The following TNS3 variants were observed in gnomAD, a reference collection of about 807,000 sequenced individuals.
TNS3 encodes the protein tensin-3.
Under a neutral mutation model 140.9 loss-of-function variants are expected in TNS3, and 45 were observed. The ratio of observed to expected loss-of-function variants is 0.32; its 90% CI spans 0.25 to 0.41. The LOEUF (loss-of-function observed/expected upper bound fraction) is 0.41. TNS3 is among the 10% of genes least tolerant of loss of function. The probability of loss-of-function intolerance (pLI) is 1.00; values close to 1 mark genes in which losing one functional copy is unlikely to be tolerated. For synonymous variants in TNS3, 815 were observed against 788.4 expected, an observed-to-expected ratio of 1.03 and a Z score of -0.56; for missense variants, 1,716 against 1,906.7, an observed-to-expected ratio of 0.90 and a Z score of 1.86.
At chr7:47,560,571 CAG>C (rs1334371821) in intron 1 of TNS3, among the ~76,000 whole-genome samples, 1 of 152,206 alleles carries the variant, frequency 6.6e-6, no homozygotes, top group Non-Finnish European at 1.5e-5. Flanking sequence ...CTGCTGCTGT[CAG>C]GGGCAACCAG....
chr7:47,428,170 G>T, intron 9 of TNS3, 142 bp downstream of exon 9: 1 of 493,254 alleles, frequency 2.0e-6, no homozygotes, highest in Non-Finnish European at 3.3e-6. Context: ...TCTAGGCACT[G>T]ACCAACCCAG....
intron 16 of TNS3, among the ~76,000 whole-genome samples, chr7:47,377,028 A>G (rs1791432803): frequency 6.6e-6 from 1 of 152,150 alleles, no homozygotes; most frequent in African/African-American, 2.4e-5. Context: ...TGGATATGCC[A>G]GAGGTCCTGC....
intron 27 of TNS3, among the ~76,000 whole-genome samples, chr7:47,285,604 A>AGTCTCAGATAT (rs1785375178): frequency 1.3e-5 from 2 of 152,338 alleles, no homozygotes; most frequent in Admixed American, 1.3e-4. Context: ...TAAATTACCC[A>AGTCTCAGATAT]GTCTCAGATA....
intron 20 of TNS3, 26 bp from the exon 21 acceptor site, chr7:47,305,029 G>A (rs1786664890): frequency 2.3e-6 from 3 of 1,328,744 alleles, no homozygotes; most frequent in Non-Finnish European, 2.9e-6. Flanking sequence ...AGGAAGCAGA[G>A]AGACCTCGGT....
chr7:47,441,954 T>A, intron 5 of TNS3, 49 bp downstream of exon 5: 1 of 1,252,646 alleles, frequency 8.0e-7, no homozygotes, highest in Non-Finnish European at 1.0e-6. Context: ...TGTAGAGAGC[T>A]GACCTACAGC....
chr7:47,304,856 T>C lies in TNS3; in HGVS notation c.2798A>G (p.Asn933Ser), dbSNP rs780438952. The change falls in exon 21 of 31, where the codon AAC becomes AGC. Residue 933 changes from asparagine (N) to serine (S), a missense_variant. This residue lies in a region of TNS3 where 1,163 missense variants were observed against 1,182.1 expected (regional missense o/e 0.98). Transcript: ENST00000311160. ...CCTCTCTCTCCTCTGCCCAGGGCCG[T>C]TGCTGGAAATGGTGCAGGAAGAAGC... ...AFASSCTISS[N>S]GPGQRRESSS... 7.2e-7 allele frequency: 1 copy of C among 1,388,982 alleles called. No homozygotes were observed. The highest frequency in any genetic ancestry group is 9.4e-7 in the Non-Finnish European group (1 of 1,060,300). 86.0% of individuals were successfully genotyped at this position (1,388,982 alleles called of 1,614,324 possible).
intron 4 of TNS3, among the ~76,000 whole-genome samples, chr7:47,465,105 T>C (rs898420909): frequency 6.6e-6 from 1 of 152,228 alleles, no homozygotes; most frequent in African/African-American, 2.4e-5. Context: ...GAAACAACCC[T>C]TTATTCAGAA....
At position 47,439,569 on chromosome 7, in the gene TNS3, G is replaced by C; in HGVS notation, c.68C>G (p.Ala23Gly). The change falls in exon 6 of 31, where the codon GCC (alanine) becomes GGC (glycine). Residue 23 changes from alanine (A) to glycine (G), a missense_variant. Physicochemically the swap from Ala to Gly is moderately conservative, Grantham distance 60. This residue lies in a region of TNS3 where 337 missense variants were observed against 428.9 expected (regional missense o/e 0.79). Coordinates refer to ENST00000311160, the MANE Select transcript of TNS3 (RefSeq NM_022748.12). ...TERIIAVSFP[A>G]GCSEESYLHN... ...CAGGTAGGACTCCTCAGAGCAGCCG[G>C]CAGGGAAGGACACAGCGATGATGCG... is the stretch of plus-strand genomic sequence containing the variant. 6.2e-7 allele frequency: 1 copy of C among 1,614,080 alleles called. No individual in the cohort carries two copies. The highest frequency in any genetic ancestry group is 2.2e-5 in the East Asian group (1 of 44,874).
intron 2 of TNS3, among the ~76,000 whole-genome samples, chr7:47,510,394 G>T (rs1003998894): frequency 3.9e-5 from 6 of 152,216 alleles, no homozygotes; most frequent in African/African-American, 1.4e-4. Flanking sequence ...AATAGCAGTT[G>T]TGTGAGCTGG....
At chr7:47,333,330 T>C (rs1232389075) in intron 20 of TNS3, among the ~76,000 whole-genome samples, 1 of 152,214 alleles carries the variant, frequency 6.6e-6, no homozygotes, top group Non-Finnish European at 1.5e-5. Flanking sequence ...CACACCAGTT[T>C]TTTGGGGTCA....
chr7:47,545,679 AC>A (rs1315982557), intron 1 of TNS3, among the ~76,000 whole-genome samples: 1 of 151,580 alleles, frequency 6.6e-6, no homozygotes, highest in Non-Finnish European at 1.5e-5. Flanking sequence ...TCTCTAATCG[AC>A]CCCCGTCCTT....
chr7:47,430,540 T>G (rs1794879280), intron 8 of TNS3, among the ~76,000 whole-genome samples: 1 of 152,078 alleles, frequency 6.6e-6, no homozygotes, highest in African/African-American at 2.4e-5. Context: ...AGAAAACCAG[T>G]AAGAAAACAG....
rs140241425 is a variant in TNS3 at position 47,344,802 on chromosome 7, G to A, written c.2603C>T (p.Pro868Leu). Residue 868 changes from proline (P) to leucine (L), a missense_variant, in exon 20 of 31, where the codon CCT becomes CTT. Coordinates refer to ENST00000311160, the MANE Select transcript of TNS3 (RefSeq NM_022748.12). ...GGCTGGGCTGCTCAGCGGGGGCTCA[G>A]GTGGGCTGAACGGAGGATGGCGCAG... The part of the protein sequence containing the change: ...TALRHPPFSP[P>L]EPPLSSPASQ... The A allele has an allele frequency of 7.8e-4, 1,266 of 1,613,514 alleles. 5 individuals carry two copies. In the African/African-American group the frequency reaches 0.014, roughly 18 times the overall value.
chr7:47,514,065 G>A (rs1327402339), intron 2 of TNS3, among the ~76,000 whole-genome samples: 7 of 152,210 alleles, frequency 4.6e-5, no homozygotes, highest in Non-Finnish European at 8.8e-5. Context: ...TACAACACTC[G>A]AAACATATTG....
At position 47,430,871 on chromosome 7, in the gene TNS3, C is replaced by T. The variant is rs183521967; in HGVS notation, c.325-2495G>A. The stretch of plus-strand genomic sequence containing the variant: ...GAGTAGCTGGGAATACAGGTGCATG[C>T]CACCACACCCAGCTAATTTTTTTGT... On this transcript the variant is annotated intron_variant, in intron 8 of 30. Coordinates refer to ENST00000311160, the MANE Select transcript of TNS3 (RefSeq NM_022748.12). 4.4e-3 allele frequency among the ~76,000 whole-genome samples: 668 copies of T among 152,140 alleles called. 4 individuals carry two copies. The highest frequency in any genetic ancestry group is 0.01 in the Middle Eastern group (3 of 294).
At chr7:47,400,140 C>T (rs910186430) in intron 15 of TNS3, among the ~76,000 whole-genome samples, 1 of 152,196 alleles carries the variant, frequency 6.6e-6, no homozygotes, top group Non-Finnish European at 1.5e-5. Context: ...CTTACTCCTA[C>T]AAGAATGGCC....
At chr7:47,434,823 G>A (rs1466005279) in intron 8 of TNS3, among the ~76,000 whole-genome samples, 2 of 152,226 alleles carry the variant, frequency 1.3e-5, no homozygotes, top group Admixed American at 6.5e-5. Context: ...ATGGCTCCAC[G>A]TGGAAAGGAC....
chr7:47,369,076 C>G lies in TNS3; in HGVS notation c.1570G>C (p.Gly524Arg). The G allele has an allele frequency of 2.5e-6, 4 of 1,614,108 alleles. No individual in the cohort carries two copies. Among genetic ancestry groups the G allele is most frequent in the African/African-American group, 1.3e-5 (1 of 75,068 alleles). The change falls in exon 17 of 31, where the codon GGT becomes CGT. Residue 524 changes from glycine (G) to arginine (R), a missense_variant. Physicochemically the swap from Gly to Arg is moderately radical, Grantham distance 125. This residue lies in a region of TNS3 where 1,163 missense variants were observed against 1,182.1 expected (regional missense o/e 0.98). Transcript: ENST00000311160. ...TCTTCACCAACGTTGCTGCCAAAAC[C>G]GTCAGATAGGAGTGAGTTCTGGCTG... Reference protein sequence around the residue: ...KSSQNSLLSDGFGSNVGEDPQ... With the variant: ...KSSQNSLLSDRFGSNVGEDPQ...
chr7:47,517,831 G>A (rs958665821), intron 2 of TNS3, among the ~76,000 whole-genome samples: 16 of 152,132 alleles, frequency 1.1e-4, no homozygotes, highest in Admixed American at 5.9e-4. Flanking sequence ...TTTCTGTATC[G>A]GGGGTCAAGA....
Sources: allele counts gnomAD v4.1 joint callset (sites outside exome capture counted in the v4.1 genomes callset), GRCh38; gene constraint gnomAD v4.1.1; regional missense constraint gnomAD v4.1.1; transcripts MANE v1.5; gene names NCBI Gene and HGNC (gene_info 2026-07-23, HGNC 2026-07-21).